The following KANSL1L variants were observed in gnomAD, a reference collection of about 807,000 sequenced individuals.
The protein encoded by KANSL1L is KAT8 regulatory NSL complex subunit 1-like protein.
In KANSL1L, 25 loss-of-function variants were observed where a neutral mutation model predicts 108.6. The observed-to-expected ratio is 0.23, with a 90% CI of 0.17 to 0.32. The LOEUF (loss-of-function observed/expected upper bound fraction) is 0.32. Among genes scored for constraint, KANSL1L ranks in the 10% least tolerant of loss-of-function variants. The pLI is 1.00. For synonymous variants in KANSL1L, 405 were observed against 395.1 expected, an observed-to-expected ratio of 1.03 and a Z score of -0.30; for missense variants, 1,137 against 1,125.7, an observed-to-expected ratio of 1.01 and a Z score of -0.14.
Position 210,105,549 on chromosome 2 carries a change from CT to C in KANSL1L, c.1231-1249del, listed in dbSNP as rs564439545. On this transcript the variant is annotated intron_variant, in intron 3 of 14. Coordinates refer to ENST00000281772, the MANE Select transcript of KANSL1L (RefSeq NM_152519.4). ...GAATTAAATGATTGCTGTGGGCCAC[CT>C]ACATCATGCATAAGTCTTATTTATA... 2.1e-3 allele frequency among the ~76,000 whole-genome samples: 322 copies of C among 151,250 alleles called. 1 individual carries two copies. The highest frequency in any genetic ancestry group is 5.1e-3 in the Admixed American group (78 of 15,168).
rs1329435927 is a variant in KANSL1L at position 210,104,238 on chromosome 2, C to T, written c.1294G>A (p.Ala432Thr). 88 of 1,613,750 alleles carry T rather than the reference C, an allele frequency of 5.5e-5. No homozygotes were observed. The highest frequency in any genetic ancestry group is 7.3e-5 in the Non-Finnish European group (86 of 1,179,876). ...KDILKKQMQF[A>T]DQAASLNILG... Reference sequence around the variant, plus strand: ...ATGTTTAGTGAAGCTGCTTGGTCTGCAAATTGCATTTGTTTTTTCAAAATA... The same window carrying T: ...ATGTTTAGTGAAGCTGCTTGGTCTGTAAATTGCATTTGTTTTTTCAAAATA... Residue 432 changes from alanine (A) to threonine (T), a missense_variant, in exon 4 of 15, where the codon GCA (alanine) becomes ACA (threonine). Coordinates refer to ENST00000281772, the MANE Select transcript of KANSL1L (RefSeq NM_152519.4).
intron 1 of KANSL1L, among the ~76,000 whole-genome samples, chr2:210,167,163 T>C (rs1010081699): frequency 2.0e-5 from 3 of 152,070 alleles, no homozygotes; most frequent in African/African-American, 7.2e-5. Context: ...CAGGAATTAA[T>C]GGAAAGTAGG....
chr2:210,161,121 T>C (rs1458837771), intron 1 of KANSL1L, among the ~76,000 whole-genome samples: 1 of 151,794 alleles, frequency 6.6e-6, no homozygotes, highest in Non-Finnish European at 1.5e-5. Flanking sequence ...CCCAAGTAGC[T>C]GGGATTACAG....
intron 1 of KANSL1L, among the ~76,000 whole-genome samples, chr2:210,162,981 A>G (rs1292909676): frequency 1.3e-5 from 2 of 152,240 alleles, no homozygotes; most frequent in East Asian, 1.9e-4. Flanking sequence ...TTCACAGCCC[A>G]GGGCACAGGC....
At chr2:210,109,456 A>C (rs927042734) in intron 3 of KANSL1L, among the ~76,000 whole-genome samples, 2 of 152,172 alleles carry the variant, frequency 1.3e-5, no homozygotes, top group African/African-American at 4.8e-5. Context: ...CAGTATGACC[A>C]TATAGAATAC....
At chr2:210,036,718 A>G (rs1417710699) in intron 8 of KANSL1L, among the ~76,000 whole-genome samples, 1 of 152,178 alleles carries the variant, frequency 6.6e-6, no homozygotes, top group Non-Finnish European at 1.5e-5. Context: ...TACATTATTT[A>G]TGCATTCCCC....
At chr2:210,029,076 G>C (rs907649891) in intron 10 of KANSL1L, 107 bp from the exon 11 acceptor site, 2 of 924,360 alleles carry the variant, frequency 2.2e-6, no homozygotes, top group Non-Finnish European at 3.2e-6. Flanking sequence ...CATAATTTTT[G>C]TAAATACATT....
At chr2:210,037,225 AT>A (rs2094115633) in intron 8 of KANSL1L, among the ~76,000 whole-genome samples, 1 of 152,166 alleles carries the variant, frequency 6.6e-6, no homozygotes, top group Admixed American at 6.5e-5. Context: ...GCATACTTAT[AT>A]TTTTATCACA....
At chr2:210,117,522 A>C (rs2094965819) in intron 3 of KANSL1L, among the ~76,000 whole-genome samples, 1 of 152,166 alleles carries the variant, frequency 6.6e-6, no homozygotes, top group Non-Finnish European at 1.5e-5. Context: ...ACAACATACA[A>C]AGGAGCTCCA....
intron 5 of KANSL1L, among the ~76,000 whole-genome samples, chr2:210,087,611 C>T (rs1489561845): frequency 6.6e-6 from 1 of 152,100 alleles, no homozygotes; most frequent in Non-Finnish European, 1.5e-5. Context: ...TTAATTCATG[C>T]CCATGATGTG....
intron 3 of KANSL1L, among the ~76,000 whole-genome samples, chr2:210,126,706 T>A (rs2095068765): frequency 6.6e-6 from 1 of 152,192 alleles, no homozygotes; most frequent in Non-Finnish European, 1.5e-5. Flanking sequence ...TAATCCCAGC[T>A]ACTCAGGAGG....
At chr2:210,059,419 A>G (rs1227183298) in intron 6 of KANSL1L, among the ~76,000 whole-genome samples, 1 of 151,976 alleles carries the variant, frequency 6.6e-6, no homozygotes, top group East Asian at 1.9e-4. Context: ...CAAAGTAGTA[A>G]GTAATTTGCA....
At chr2:210,143,767 T>C (rs535227550) in intron 2 of KANSL1L, among the ~76,000 whole-genome samples, 1 of 152,302 alleles carries the variant, frequency 6.6e-6, no homozygotes, top group African/African-American at 2.4e-5. Flanking sequence ...TCTATGCTTT[T>C]GATATCACAA....
intron 6 of KANSL1L, among the ~76,000 whole-genome samples, chr2:210,070,514 G>A (rs1175302917): frequency 6.6e-6 from 1 of 152,138 alleles, no homozygotes; most frequent in African/African-American, 2.4e-5. Flanking sequence ...ACAGGCGTGA[G>A]CCACTGCGCC....
chr2:210,130,183 T>C (rs1278691039), intron 2 of KANSL1L, among the ~76,000 whole-genome samples: 1 of 152,120 alleles, frequency 6.6e-6, no homozygotes, highest in South Asian at 2.1e-4. Context: ...TTAATGTAGG[T>C]TCATCAATTG....
intron 14 of KANSL1L, 64 bp downstream of exon 14, chr2:210,023,962 TCAAGTAG>T: frequency 2.8e-6 from 3 of 1,062,400 alleles, no homozygotes; most frequent in Admixed American, 5.7e-5. Flanking sequence ...TTAATTTTTT[TCAAGTAG>T]TTTCTACAAA....
At chr2:210,124,615 A>C (rs1417802491) in intron 3 of KANSL1L, among the ~76,000 whole-genome samples, 1 of 152,008 alleles carries the variant, frequency 6.6e-6, no homozygotes, top group African/African-American at 2.4e-5. Flanking sequence ...AACAATTTAA[A>C]CCAAAAGCTA....
intron 1 of KANSL1L, among the ~76,000 whole-genome samples, chr2:210,163,924 A>T (rs999752759): frequency 9.2e-5 from 14 of 152,084 alleles, no homozygotes; most frequent in Admixed American, 7.9e-4. Flanking sequence ...ACTATCCAAA[A>T]TGGTAAAATT....
intron 2 of KANSL1L, among the ~76,000 whole-genome samples, chr2:210,145,391 T>A (rs947361675): frequency 9.9e-5 from 15 of 152,188 alleles, no homozygotes; most frequent in African/African-American, 3.6e-4. Flanking sequence ...GGCACCCATA[T>A]TCAGAGTGCA....
Sources: allele counts gnomAD v4.1 joint callset (sites outside exome capture counted in the v4.1 genomes callset), GRCh38; gene constraint gnomAD v4.1.1; transcripts MANE v1.5; gene names NCBI Gene and HGNC (gene_info 2026-07-23, HGNC 2026-07-21).